PTRH1: variants seen among roughly 807,000 people sequenced by gnomAD.
PTRH1 encodes peptidyl-tRNA hydrolase 1 homolog, also known as peptidyl-tRNA hydrolase.
Under a neutral mutation model 15.7 loss-of-function variants are expected in PTRH1, and 13 were observed. That is an observed-to-expected ratio of 0.83 (90% CI 0.54 to 1.31). The LOEUF is 1.31. Ranked by LOEUF, PTRH1 falls within the 40% of genes most tolerant of loss-of-function variation. The pLI, the probability that PTRH1 is intolerant of heterozygous loss-of-function variation, is 0.00. For missense variants in PTRH1, 319 were observed against 296.2 expected, an observed-to-expected ratio of 1.08 and a Z score of -0.56; for synonymous variants, 139 against 136.7, an observed-to-expected ratio of 1.02 and a Z score of -0.12.
intron 1 of PTRH1, among the ~76,000 whole-genome samples, chr9:127,698,063 T>C (rs1053384507): frequency 1.3e-5 from 2 of 152,200 alleles, no homozygotes; most frequent in African/African-American, 4.8e-5. Context: ...AATATCCAGA[T>C]GCAAGAACTC....
At chr9:127,708,912 G>A (rs975073666), downstream of PTRH1, among the ~76,000 whole-genome samples, 1 of 152,262 alleles carries the variant, frequency 6.6e-6, no homozygotes. Context: ...ATGGAGGGAT[G>A]CAGAGCTGGC....
At chr9:127,714,529 G>C in intron 3 of PTRH1, 74 bp downstream of exon 3, 2 of 1,592,592 alleles carry the variant, frequency 1.3e-6, no homozygotes, top group Admixed American at 1.7e-5. Flanking sequence ...GTGGAGACTG[G>C]GTCAGCAGCC....
At chr9:127,703,913 G>A (rs1352630002) in intron 1 of PTRH1, among the ~76,000 whole-genome samples, 1 of 152,158 alleles carries the variant, frequency 6.6e-6, no homozygotes, top group African/African-American at 2.4e-5. Context: ...TGCTGTACCT[G>A]CTTGCAGTAG....
downstream of PTRH1, chr9:127,712,302 G>C (rs1305310343): frequency 1.2e-6 from 2 of 1,614,084 alleles, no homozygotes; most frequent in Admixed American, 1.7e-5. Flanking sequence ...GGCCAGCCTG[G>C]AGGCGGCTCT....
In PTRH1 at chr9:127,715,594, C is replaced by G; in HGVS notation, c.46G>C (p.Ala16Pro). Residue 16 changes from alanine (A) to proline (P), a missense_variant, in exon 1 of 5, where the codon GCC becomes CCC. Ala to Pro is a conservative substitution (Grantham distance 27). Coordinates refer to ENST00000543175, the MANE Select transcript of PTRH1 (RefSeq NM_001002913.3). The surrounding 1 kb of genome is among the most constrained non-coding windows in gnomAD (Gnocchi z 5.8). ...FLGAGQRLSR[A>P]MSRCVLEPRP... ...GGCTCCAAAACACATCGGCTCATGGCTCTACTCAGCCGCTGTCCGGCGCCC... is the reference window on the plus strand; with the variant it reads ...GGCTCCAAAACACATCGGCTCATGGGTCTACTCAGCCGCTGTCCGGCGCCC... 6.2e-7 allele frequency: 1 copy of G among 1,613,222 alleles called. No homozygotes were observed. The highest frequency in any genetic ancestry group is 8.5e-7 in the Non-Finnish European group (1 of 1,180,028).
chr9:127,713,869 G>C lies in PTRH1; in HGVS notation c.*231C>G. ...CTGGTTCTCTAAAAAGGCTTGAAAA[G>C]TTTAGTCTTCCTGAAGTTCCCCTAC... On this transcript the variant is annotated 3_prime_UTR_variant, in exon 5 of 5. Coordinates refer to ENST00000543175, the MANE Select transcript of PTRH1 (RefSeq NM_001002913.3). The C allele has an allele frequency of 6.2e-7, 1 of 1,613,964 alleles. No individual in the cohort carries two copies. The highest frequency in any genetic ancestry group is 8.5e-7 in the Non-Finnish European group (1 of 1,180,020).
intron 1 of PTRH1, among the ~76,000 whole-genome samples, chr9:127,701,422 A>G (rs1364477495): frequency 6.6e-6 from 1 of 152,046 alleles, no homozygotes; most frequent in East Asian, 1.9e-4. Context: ...TAGTTGAATA[A>G]AGAAAGGGAA....
downstream of PTRH1, chr9:127,712,654 G>A (rs756900403): frequency 4.6e-5 from 75 of 1,613,444 alleles, no homozygotes; most frequent in South Asian, 5.3e-4. Flanking sequence ...TTTCCTGGAC[G>A]AGGGTGGGTA....
chr9:127,708,569 C>G (rs1842697619), intron 1 of PTRH1, among the ~76,000 whole-genome samples: 1 of 152,190 alleles, frequency 6.6e-6, no homozygotes, highest in Admixed American at 6.5e-5. Flanking sequence ...TTATGTGATA[C>G]TGATTAACAC....
chr9:127,712,942 G>T, downstream of PTRH1: 1 of 1,590,224 alleles, frequency 6.3e-7, no homozygotes, highest in East Asian at 2.3e-5. Context: ...ATTCAGCCAT[G>T]GGGACAGTGC....
chr9:127,709,507 AT>A, downstream of PTRH1: 2 of 1,614,018 alleles, frequency 1.2e-6, no homozygotes, highest in Non-Finnish European at 1.7e-6. The surrounding 1 kb of genome is among the most constrained non-coding windows in gnomAD (Gnocchi z 4.7). Context: ...CAAGAAGGAG[AT>A]TGTGGCCTTC....
At chr9:127,712,150 A>G, downstream of PTRH1, 14 of 1,605,236 alleles carry the variant, frequency 8.7e-6, no homozygotes, top group Non-Finnish European at 1.0e-5. Flanking sequence ...AGGTGGCCCC[A>G]GTCCTGGGGA....
Position 127,714,407 on chromosome 9 carries a change from C to A in PTRH1, c.434G>T (p.Arg145Leu). ...GGAGTTGAGGCAGCTAATGCAGGAA[C>A]GGACTCCATTGTGGCCCCTTCAAGG... ...GGSARGHNGV[R>L]SCISCLNSNA... Residue 145 changes from arginine to leucine, a missense_variant, in exon 4 of 5, where the codon CGT (arginine) becomes CTT (leucine). Coordinates refer to ENST00000543175, the MANE Select transcript of PTRH1 (RefSeq NM_001002913.3). The A allele has an allele frequency of 1.2e-6, 2 of 1,614,202 alleles. No homozygotes were observed. The highest frequency in any genetic ancestry group is 1.1e-5 in the South Asian group (1 of 91,086).
At chr9:127,707,499 G>A (rs1842673767) in intron 1 of PTRH1, among the ~76,000 whole-genome samples, 1 of 152,138 alleles carries the variant, frequency 6.6e-6, no homozygotes. Flanking sequence ...GGGATCACAG[G>A]CTTTATGAAA....
chr9:127,711,485 G>A, downstream of PTRH1: 1 of 1,613,324 alleles, frequency 6.2e-7, no homozygotes, highest in South Asian at 1.1e-5. Context: ...GCACAAAAGA[G>A]GCCACCAGAA....
downstream of PTRH1, chr9:127,709,536 C>A (rs765282115): frequency 6.2e-7 from 1 of 1,614,022 alleles, no homozygotes; most frequent in Non-Finnish European, 8.5e-7. The surrounding 1 kb of genome is among the most constrained non-coding windows in gnomAD (Gnocchi z 4.7). Flanking sequence ...GCACGCTCAA[C>A]CAGCAGGTGG....
chr9:127,708,895 AAG>A (rs1436159266), downstream of PTRH1, among the ~76,000 whole-genome samples: 1 of 152,220 alleles, frequency 6.6e-6, no homozygotes, highest in Non-Finnish European at 1.5e-5. Context: ...GAAAGTGTGG[AAG>A]AGTTATGGAG....
In PTRH1 at chr9:127,705,641, C is replaced by G. The variant is rs1842638927; in HGVS notation, c.205+9794G>C. 6.6e-6 allele frequency among the ~76,000 whole-genome samples: 1 copy of G among 152,260 alleles called. No homozygotes were observed. The highest frequency in any genetic ancestry group is 2.4e-5 in the African/African-American group (1 of 41,478). ...AAATGGGGGAGGCACGGGGAGGCCC[C>G]CGGTCAACTGGGAGCACTGTGGGAA... On this transcript the variant is annotated intron_variant, in intron 1 of 2. Coordinates refer to the PTRH1 transcript ENST00000335223. This position sits in a 1 kb window ranked among gnomAD's most constrained non-coding sequence, Gnocchi z 4.7.
At chr9:127,699,712 A>G (rs1375780738) in intron 1 of PTRH1, among the ~76,000 whole-genome samples, 1 of 148,496 alleles carries the variant, frequency 6.7e-6, no homozygotes, top group Non-Finnish European at 1.5e-5. Context: ...ATGGGCTATC[A>G]GGGGAAAAAA....
Sources: allele counts gnomAD v4.1 joint callset (sites outside exome capture counted in the v4.1 genomes callset), GRCh38; gene constraint gnomAD v4.1.1; non-coding constraint Gnocchi (gnomAD v3.1); transcripts MANE v1.5; gene names NCBI Gene and HGNC (gene_info 2026-07-23, HGNC 2026-07-21).